Variants in SGCD observed in about 807,000 individuals in gnomAD.
SGCD encodes the protein sarcoglycan delta.
Under a neutral mutation model 36.6 loss-of-function variants are expected in SGCD, and 18 were observed. That is an observed-to-expected ratio of 0.49 (90% CI 0.34 to 0.73). The LOEUF is 0.73. Among genes scored for constraint, SGCD ranks in the 30% least tolerant of loss-of-function variants. The pLI, the probability that SGCD is intolerant of heterozygous loss-of-function variation, is 0.01. For synonymous variants in SGCD, 133 were observed against 130.6 expected, an observed-to-expected ratio of 1.02 and a Z score of -0.12; for missense variants, 387 against 346.7, an observed-to-expected ratio of 1.12 and a Z score of -0.92.
chr5:155,920,655 C>T (rs1756857277), intron 1 of SGCD, among the ~76,000 whole-genome samples: 3 of 152,318 alleles, frequency 2.0e-5, no homozygotes, highest in Admixed American at 2.0e-4. Flanking sequence ...ATTTGAGGCT[C>T]TTGCCTTCTT....
chr5:156,280,745 G>GGGGGAAAGTTTCAGTGTT (rs1561598299), intron 3 of SGCD, among the ~76,000 whole-genome samples: 1 of 152,168 alleles, frequency 6.6e-6, no homozygotes, highest in Non-Finnish European at 1.5e-5. Context: ...AGTCCACAGA[G>GGGGGAAAGTTTCAGTGTT]GGGGAAAGTT....
chr5:156,203,175 G>A (rs563502540), intron 3 of SGCD, among the ~76,000 whole-genome samples: 58 of 152,172 alleles, frequency 3.8e-4, no homozygotes, highest in African/African-American at 1.2e-3. Flanking sequence ...CTTTTCATTA[G>A]TGCCTCTATT....
At chr5:156,307,555 G>T (rs67112441) in intron 3 of SGCD, among the ~76,000 whole-genome samples, 8,463 of 40,872 alleles carry the variant, frequency 0.21, 1,520 homozygotes, top group East Asian at 0.43. Context: ...TTTAACTGTT[G>T]TTTTTTTTTT....
intron 1 of SGCD, among the ~76,000 whole-genome samples, chr5:155,974,237 C>CGT (rs1427529728): frequency 3.3e-5 from 5 of 152,040 alleles, no homozygotes; most frequent in Non-Finnish European, 7.4e-5. Flanking sequence ...TTTGGGCTCA[C>CGT]GTGCAGTAGA....
chr5:155,941,781 A>G (rs10053345), intron 1 of SGCD, among the ~76,000 whole-genome samples: 6,687 of 152,164 alleles, frequency 0.044, 521 homozygotes, highest in African/African-American at 0.15. Context: ...TAATCCTTAT[A>G]ATAATTAATT....
At chr5:155,748,804 G>A in the SGCD span, among the ~76,000 whole-genome samples, 2 of 152,178 alleles carry the variant, frequency 1.3e-5, no homozygotes, top group Admixed American at 6.5e-5. Flanking sequence ...TGAGACTCAT[G>A]AATGAAGAGA....
upstream of SGCD, among the ~76,000 whole-genome samples, chr5:156,324,964 T>A (rs1170185840): frequency 1.3e-5 from 2 of 152,182 alleles, no homozygotes; most frequent in Non-Finnish European, 2.9e-5. Flanking sequence ...ACGTTGCCAT[T>A]TCCAAACATG....
At chr5:156,206,651 G>T (rs966877525) in intron 3 of SGCD, among the ~76,000 whole-genome samples, 6 of 152,034 alleles carry the variant, frequency 3.9e-5, no homozygotes, top group Admixed American at 1.3e-4. Context: ...ACCAAGGCAA[G>T]TATGGGACAC....
chr5:156,632,320 C>T (rs1462663010), intron 6 of SGCD, among the ~76,000 whole-genome samples: 1 of 151,012 alleles, frequency 6.6e-6, no homozygotes, highest in Non-Finnish European at 1.5e-5. Flanking sequence ...TGAGCACCAG[C>T]CCCAGTAGGT....
chr5:155,929,592 C>T (rs1757061719), intron 1 of SGCD, among the ~76,000 whole-genome samples: 1 of 152,148 alleles, frequency 6.6e-6, no homozygotes, highest in African/African-American at 2.4e-5. Context: ...CACATTTTCC[C>T]CTAAGTTACC....
chr5:156,423,618 T>A (rs931799939), intron 3 of SGCD, among the ~76,000 whole-genome samples: 6 of 151,358 alleles, frequency 4.0e-5, no homozygotes, highest in African/African-American at 1.2e-4. Context: ...ACACTTAACA[T>A]ATGCCCAAAG....
At chr5:156,551,967 C>G (rs545758270) in intron 4 of SGCD, among the ~76,000 whole-genome samples, 1 of 152,236 alleles carries the variant, frequency 6.6e-6, no homozygotes, top group African/African-American at 2.4e-5. Flanking sequence ...GTTTATTTTC[C>G]TATTCATTTG....
the SGCD span, among the ~76,000 whole-genome samples, chr5:155,830,235 A>G: frequency 4.6e-5 from 7 of 152,310 alleles, no homozygotes; most frequent in East Asian, 9.6e-4. Flanking sequence ...TTCAAGATAA[A>G]AGTGCCAGCA....
At chr5:156,448,731 CT>C (rs1158844774) in intron 3 of SGCD, among the ~76,000 whole-genome samples, 2,156 of 76,040 alleles carry the variant, frequency 0.028, 1 homozygote, top group African/African-American at 0.067. Context: ...TTTTCTTTTT[CT>C]TTTTTTTTTT....
At chr5:156,260,400 T>A (rs1430331267) in intron 3 of SGCD, among the ~76,000 whole-genome samples, 4 of 152,178 alleles carry the variant, frequency 2.6e-5, no homozygotes, top group Non-Finnish European at 4.4e-5. Flanking sequence ...AATTTCTAGG[T>A]CTTACTAATT....
At chr5:156,433,799 A>G (rs1035259955) in intron 3 of SGCD, among the ~76,000 whole-genome samples, 4 of 152,164 alleles carry the variant, frequency 2.6e-5, no homozygotes, top group Admixed American at 2.0e-4. Context: ...CTCCCTGTGC[A>G]TGTTTCAGGC....
chr5:156,041,540 C>A (rs1759634239), intron 1 of SGCD, among the ~76,000 whole-genome samples: 1 of 152,124 alleles, frequency 6.6e-6, no homozygotes. Context: ...AATTGATTTT[C>A]AACAGGATTG....
chr5:156,132,000 A>T (rs913102875), intron 3 of SGCD, among the ~76,000 whole-genome samples: 1 of 152,240 alleles, frequency 6.6e-6, no homozygotes, highest in Admixed American at 6.5e-5. Context: ...AAAATTGCAA[A>T]TATGTGCAAG....
chr5:156,227,995 G>T (rs1053773954), intron 3 of SGCD, among the ~76,000 whole-genome samples: 16 of 152,042 alleles, frequency 1.1e-4, no homozygotes, highest in African/African-American at 3.1e-4. Context: ...TTCCACTGTG[G>T]TCTGAAAGAG....
Sources: allele counts gnomAD v4.1 joint callset (sites outside exome capture counted in the v4.1 genomes callset), GRCh38; gene constraint gnomAD v4.1.1; transcripts MANE v1.5; gene names NCBI Gene and HGNC (gene_info 2026-07-23, HGNC 2026-07-21).